Variants in PHKB observed in about 807,000 individuals in gnomAD.
PHKB encodes phosphorylase b kinase regulatory subunit beta.
PHKB carries 122 observed loss-of-function variants against 152.1 expected under a neutral mutation model. The observed-to-expected ratio is 0.80, with a 90% CI of 0.69 to 0.93. PHKB has a LOEUF of 0.93. Ranked by LOEUF, PHKB falls within the 40% of genes least tolerant of loss-of-function variation. The pLI is 0.00. For synonymous variants in PHKB, 436 were observed against 464.9 expected, an observed-to-expected ratio of 0.94 and a Z score of 0.80; for missense variants, 1,304 against 1,328.4, an observed-to-expected ratio of 0.98 and a Z score of 0.29.
chr16:47,676,614 T>G (rs1973736911), intron 26 of PHKB, among the ~76,000 whole-genome samples: 1 of 152,232 alleles, frequency 6.6e-6, no homozygotes, highest in East Asian at 1.9e-4. Flanking sequence ...CAATTGCTTT[T>G]AAGCCAATAG....
chr16:47,471,515 T>C (rs1363070508), intron 1 of PHKB, among the ~76,000 whole-genome samples: 3 of 152,176 alleles, frequency 2.0e-5, no homozygotes, highest in African/African-American at 7.2e-5. Context: ...AGCTCTATGT[T>C]TAACACCTGG....
intron 10 of PHKB, among the ~76,000 whole-genome samples, chr16:47,591,377 T>G (rs1972026150): frequency 6.6e-6 from 1 of 152,190 alleles, no homozygotes. Context: ...CACTCCCCAG[T>G]AGCTGTGCTG....
intron 1 of PHKB, among the ~76,000 whole-genome samples, chr16:47,480,194 T>C (rs1233859618): frequency 6.6e-6 from 1 of 152,190 alleles, no homozygotes; most frequent in African/African-American, 2.4e-5. Flanking sequence ...GAGAGTTGCC[T>C]AACCAATTGA....
intron 1 of PHKB, among the ~76,000 whole-genome samples, chr16:47,468,143 A>C (rs1466176805): frequency 6.6e-6 from 1 of 152,120 alleles, no homozygotes; most frequent in Non-Finnish European, 1.5e-5. Flanking sequence ...TCTAAAACAC[A>C]TACCAAATTT....
intron 13 of PHKB, among the ~76,000 whole-genome samples, chr16:47,601,991 C>CAA (rs1430970321): frequency 6.6e-6 from 1 of 152,136 alleles, no homozygotes; most frequent in East Asian, 1.9e-4. Context: ...TAGTTAACTA[C>CAA]AACTTTCTCT....
At chr16:47,632,977 A>G (rs1432046242) in intron 14 of PHKB, among the ~76,000 whole-genome samples, 1 of 152,232 alleles carries the variant, frequency 6.6e-6, no homozygotes, top group Non-Finnish European at 1.5e-5. Context: ...TAGAGAAGTT[A>G]TGCTATAAAA....
At chr16:47,667,093 G>A (rs1469992763) in intron 25 of PHKB, among the ~76,000 whole-genome samples, 6 of 151,994 alleles carry the variant, frequency 3.9e-5, no homozygotes, top group Admixed American at 3.3e-4. Flanking sequence ...GCTATTTATT[G>A]TTTCCTGTAA....
chr16:47,565,805 G>A, intron 7 of PHKB: 1 of 1,471,362 alleles, frequency 6.8e-7, no homozygotes, highest in Non-Finnish European at 9.5e-7. Flanking sequence ...TAGCAGCTGT[G>A]TCAATGGGCT....
chr16:47,473,699 A>T (rs1969820843), intron 1 of PHKB, among the ~76,000 whole-genome samples: 1 of 152,110 alleles, frequency 6.6e-6, no homozygotes, highest in African/African-American at 2.4e-5. Flanking sequence ...ACATTAAGTG[A>T]TTTCCAACAG....
At chr16:47,499,626 A>G in intron 2 of PHKB, 130 bp from the exon 3 acceptor site, 1 of 1,037,810 alleles carries the variant, frequency 9.6e-7, no homozygotes, top group South Asian at 1.3e-5. Context: ...CTTCAGAAGT[A>G]TTGTACTATA....
intron 13 of PHKB, 47 bp downstream of exon 13, chr16:47,596,578 C>T (rs1183778686): frequency 6.4e-7 from 1 of 1,560,264 alleles, no homozygotes; most frequent in Non-Finnish European, 8.8e-7. Flanking sequence ...TGTTATTAAG[C>T]TATTAGAAAT....
At chr16:47,593,114 G>C (rs962805608) in intron 10 of PHKB, among the ~76,000 whole-genome samples, 6 of 149,862 alleles carry the variant, frequency 4.0e-5, no homozygotes, top group African/African-American at 4.9e-5. Flanking sequence ...GAAAAAGAGG[G>C]GGGGGAGGGA....
chr16:47,547,854 T>G (rs1040969934), intron 7 of PHKB: 7 of 344,958 alleles, frequency 2.0e-5, no homozygotes, highest in African/African-American at 1.5e-4. Flanking sequence ...ATTTTCTTTT[T>G]CCTCTTTGAA....
chr16:47,610,767 T>A, intron 13 of PHKB, 59 bp from the exon 14 acceptor site: 1 of 906,426 alleles, frequency 1.1e-6, no homozygotes, highest in African/African-American at 1.6e-5. Flanking sequence ...AAAGTCTAGT[T>A]GGTTTATAGT....
chr16:47,504,741 A>C (rs1970381457), intron 4 of PHKB, among the ~76,000 whole-genome samples: 1 of 152,208 alleles, frequency 6.6e-6, no homozygotes, highest in Non-Finnish European at 1.5e-5. Context: ...TTAAGAAATA[A>C]CTCATGTGAG....
chr16:47,594,139 G>GT lies in PHKB; in HGVS notation c.1134dup (p.Arg379Ter). The GT allele has an allele frequency of 6.6e-7, 1 of 1,510,478 alleles. No individual in the cohort carries two copies. The highest frequency in any genetic ancestry group is 9.2e-7 in the Non-Finnish European group (1 of 1,086,334). The allele number at this position is 1,510,478 out of a possible 1,614,324, so 93.6% of individuals were successfully genotyped here. A position where few individuals can be genotyped will look rare whatever the true frequency, so the allele number is the denominator to read the frequency against. On this transcript the variant is annotated frameshift_variant, in exon 12 of 31. Transcript: ENST00000323584. LOFTEE classifies it high-confidence loss of function. The stretch of plus-strand genomic sequence containing the variant: ...GGATTTTATATTTTATATTTTAGGA[G>GT]TTTTTAGAGGCAATCCTAAGCAAGT...
intron 6 of PHKB, among the ~76,000 whole-genome samples, chr16:47,527,652 T>C (rs1970790859): frequency 6.6e-6 from 1 of 152,232 alleles, no homozygotes; most frequent in Non-Finnish European, 1.5e-5. Context: ...ATTCATACAT[T>C]GGAGCTGTAG....
intron 7 of PHKB, among the ~76,000 whole-genome samples, chr16:47,573,824 C>T (rs1055584143): frequency 2.6e-5 from 4 of 152,228 alleles, no homozygotes; most frequent in Non-Finnish European, 4.4e-5. Flanking sequence ...TGACCACTGT[C>T]TGAGTTAGCT....
intron 28 of PHKB, among the ~76,000 whole-genome samples, chr16:47,695,534 T>C (rs1470081028): frequency 2.0e-5 from 3 of 152,232 alleles, no homozygotes; most frequent in Non-Finnish European, 4.4e-5. Context: ...TTGCTGTCAC[T>C]TGATTGAAAG....
Sources: gnomAD v4.1 joint callset for allele counts (sites outside exome capture counted in the v4.1 genomes callset) on GRCh38, gnomAD v4.1.1 for gene constraint, MANE v1.5 for transcripts, NCBI Gene and HGNC (gene_info 2026-07-23, HGNC 2026-07-21) for gene names.